Variants in IMMP2L observed in about 807,000 individuals in gnomAD.
IMMP2L encodes the protein inner mitochondrial membrane peptidase subunit 2.
IMMP2L carries 18 observed loss-of-function variants against 19.3 expected under a neutral mutation model. The observed-to-expected ratio is 0.93, with a 90% CI of 0.64 to 1.38. The LOEUF is 1.38. IMMP2L is among the 40% of genes most tolerant of loss of function. The pLI is 0.00. For missense variants in IMMP2L, 233 were observed against 218.2 expected (o/e 1.07, Z -0.43); for synonymous variants, 76 against 73.0 (o/e 1.04, Z -0.21).
rs577012745 is a variant in IMMP2L at position 110,713,072 on chromosome 7, G to C, written c.409-49351C>G. Among the ~76,000 whole-genome samples the C allele has an allele frequency of 3.3e-5, 5 of 152,298 alleles. No individual in the cohort carries two copies. The South Asian group carries it at 1.0e-3, about 32-fold the overall frequency. On this transcript the variant is annotated intron_variant, in intron 5 of 5. Coordinates refer to ENST00000405709, the MANE Select transcript of IMMP2L (RefSeq NM_032549.4). ...TACACTTAAATTTTTAATCCATCTT[G>C]AGTTGATTTTGTATATGGTGAAAGG...
chr7:111,301,921 T>TAAAAAAAAAAAAA (rs59156229), intron 3 of IMMP2L, among the ~76,000 whole-genome samples: 4 of 83,158 alleles, frequency 4.8e-5, no homozygotes, highest in African/African-American at 9.6e-5. Context: ...TTTCATGCTT[T>TAAAAAAAAAAAAA]AAAAAAAAAA....
intron 3 of IMMP2L, among the ~76,000 whole-genome samples, chr7:111,068,172 T>TA (rs1301985001): frequency 6.6e-6 from 1 of 152,102 alleles, no homozygotes; most frequent in Non-Finnish European, 1.5e-5. Context: ...CATACATACA[T>TA]CAAGAGACCA....
intron 2 of IMMP2L, among the ~76,000 whole-genome samples, chr7:111,495,951 G>T (rs1405914584): frequency 6.6e-6 from 1 of 152,108 alleles, no homozygotes; most frequent in African/African-American, 2.4e-5. Flanking sequence ...CAGCCACAAG[G>T]ACCCAACAGT....
chr7:111,152,945 G>C (rs1440448864), intron 3 of IMMP2L, among the ~76,000 whole-genome samples: 1 of 152,010 alleles, frequency 6.6e-6, no homozygotes, highest in Non-Finnish European at 1.5e-5. Context: ...TGAATGGATA[G>C]CTGGATAAAT....
chr7:111,414,279 G>A (rs1834750626), intron 3 of IMMP2L, among the ~76,000 whole-genome samples: 1 of 151,742 alleles, frequency 6.6e-6, no homozygotes, highest in African/African-American at 2.4e-5. Context: ...AGACCCAGAG[G>A]GTAGCTTCCT....
At chr7:111,179,367 G>C (rs1396456035) in intron 3 of IMMP2L, among the ~76,000 whole-genome samples, 1 of 151,996 alleles carries the variant, frequency 6.6e-6, no homozygotes, top group Non-Finnish European at 1.5e-5. Context: ...AAAACATTAT[G>C]AGATTTTTTT....
intron 3 of IMMP2L, among the ~76,000 whole-genome samples, chr7:110,991,466 A>AT (rs983055603): frequency 3.9e-5 from 6 of 152,118 alleles, no homozygotes; most frequent in Non-Finnish European, 5.9e-5. Flanking sequence ...AAACGCCATC[A>AT]TTTTTTTAAT....
At chr7:111,133,270 G>A (rs1384747682) in intron 3 of IMMP2L, among the ~76,000 whole-genome samples, 1 of 151,954 alleles carries the variant, frequency 6.6e-6, no homozygotes, top group Non-Finnish European at 1.5e-5. Flanking sequence ...TGCAATTCAG[G>A]GAAACAAAAG....
At chr7:111,091,827 A>G (rs1468276778) in intron 3 of IMMP2L, among the ~76,000 whole-genome samples, 1 of 151,938 alleles carries the variant, frequency 6.6e-6, no homozygotes, top group East Asian at 1.9e-4. Context: ...GTGGGGGAGA[A>G]GAGAGGAGGA....
At chr7:111,134,397 C>T (rs1802138947) in intron 3 of IMMP2L, among the ~76,000 whole-genome samples, 1 of 151,840 alleles carries the variant, frequency 6.6e-6, no homozygotes, top group Non-Finnish European at 1.5e-5. Context: ...ATCAGGTATC[C>T]ATTCTATATT....
At chr7:110,912,845 G>A (rs945124997) in intron 4 of IMMP2L, among the ~76,000 whole-genome samples, 1 of 151,860 alleles carries the variant, frequency 6.6e-6, no homozygotes, top group African/African-American at 2.4e-5. Context: ...TGATGCCTGA[G>A]ATACCCTCAC....
intron 4 of IMMP2L, among the ~76,000 whole-genome samples, chr7:110,943,120 C>T (rs1011248666): frequency 1.3e-4 from 20 of 151,970 alleles, no homozygotes; most frequent in African/African-American, 3.1e-4. Context: ...TACAGTTTCA[C>T]GCTGTCCCAA....
intron 5 of IMMP2L, among the ~76,000 whole-genome samples, chr7:110,695,606 T>A (rs920585400): frequency 6.6e-6 from 1 of 152,068 alleles, no homozygotes; most frequent in Non-Finnish European, 1.5e-5. Context: ...TTTAAAAAGA[T>A]AGAAGCGGGA....
intron 5 of IMMP2L, among the ~76,000 whole-genome samples, chr7:110,755,675 G>C (rs111965680): frequency 1.3e-5 from 2 of 152,092 alleles, no homozygotes; most frequent in African/African-American, 4.8e-5. Flanking sequence ...GGCTATAGTG[G>C]AGTTGTTAAA....
At chr7:110,911,845 C>T (rs1813088738) in intron 4 of IMMP2L, among the ~76,000 whole-genome samples, 1 of 152,036 alleles carries the variant, frequency 6.6e-6, no homozygotes, top group Non-Finnish European at 1.5e-5. Context: ...CTGGAAAATT[C>T]ATGTATGTAT....
In IMMP2L at chr7:111,463,607, G is replaced by A. The variant is rs533800487; in HGVS notation, c.239+23631C>T. Among the ~76,000 whole-genome samples, 4 of 152,144 alleles carry A rather than the reference G, an allele frequency of 2.6e-5. No individual in the cohort carries two copies. In the South Asian group the frequency reaches 6.2e-4, roughly 24 times the overall value. On this transcript the variant is annotated intron_variant, in intron 3 of 5. Transcript: ENST00000405709. ...CACAGTCCTATTTCCCTGTCCACTA[G>A]CCCCGCTCCCATAATTCTAGCTCTC...
chr7:111,341,283 A>T (rs948867497), intron 3 of IMMP2L, among the ~76,000 whole-genome samples: 10 of 152,128 alleles, frequency 6.6e-5, no homozygotes, highest in African/African-American at 2.2e-4. Flanking sequence ...AATCAATTTT[A>T]TTCATTTAAC....
At chr7:111,456,504 T>A (rs1431129292) in intron 3 of IMMP2L, among the ~76,000 whole-genome samples, 1 of 152,120 alleles carries the variant, frequency 6.6e-6, no homozygotes, top group Non-Finnish European at 1.5e-5. Context: ...TGTAATCTCT[T>A]TGAAGACTAA....
At chr7:110,913,930 G>A (rs576853458) in intron 4 of IMMP2L, among the ~76,000 whole-genome samples, 3 of 152,236 alleles carry the variant, frequency 2.0e-5, no homozygotes, top group African/African-American at 4.8e-5. Flanking sequence ...AGGGATCTCA[G>A]GTAAAGTTTT....
Sources: gnomAD v4.1 joint callset for allele counts (sites outside exome capture counted in the v4.1 genomes callset) on GRCh38, gnomAD v4.1.1 for gene constraint, MANE v1.5 for transcripts, NCBI Gene and HGNC (gene_info 2026-07-23, HGNC 2026-07-21) for gene names.